The following ZMAT4 variants were observed in gnomAD, a reference collection of about 807,000 sequenced individuals.
ZMAT4 encodes the protein zinc finger matrin-type protein 4.
Under a neutral mutation model 28.7 loss-of-function variants are expected in ZMAT4, and 17 were observed. The observed-to-expected ratio is 0.59, with a 90% confidence interval of 0.41 to 0.89. ZMAT4 has a LOEUF of 0.89. ZMAT4 is among the 40% of genes least tolerant of loss of function. The probability of loss-of-function intolerance (pLI) is 0.00; values close to 1 mark genes in which losing one functional copy is unlikely to be tolerated. For synonymous variants in ZMAT4, 117 were observed against 109.2 expected (o/e 1.07, Z -0.44); for missense variants, 240 against 283.8 (o/e 0.85, Z 1.11).
chr8:40,766,239 T>C (rs6992762), intron 3 of ZMAT4, among the ~76,000 whole-genome samples: 24,181 of 152,194 alleles, frequency 0.16, 3,060 homozygotes, highest in East Asian at 0.6. Context: ...TATGCTGTGA[T>C]ATTATAGCTA....
intron 5 of ZMAT4, among the ~76,000 whole-genome samples, chr8:40,601,646 A>AGCAGGC (rs1805374771): frequency 2.4e-5 from 1 of 41,720 alleles, no homozygotes; most frequent in Non-Finnish European, 5.1e-5. Context: ...GAAAGAAAGA[A>AGCAGGC]AGAAAGAAAG....
At chr8:40,582,782 T>G (rs555219950) in intron 5 of ZMAT4, among the ~76,000 whole-genome samples, 1 of 152,326 alleles carries the variant, frequency 6.6e-6, no homozygotes, top group Non-Finnish European at 1.5e-5. Flanking sequence ...GGCATGTATG[T>G]GAGAGTGCCC....
At chr8:40,643,390 C>A (rs893665404) in intron 5 of ZMAT4, among the ~76,000 whole-genome samples, 4 of 152,134 alleles carry the variant, frequency 2.6e-5, no homozygotes, top group African/African-American at 4.8e-5. Flanking sequence ...ACTTGGAAAA[C>A]CATATTTCTT....
Position 40,821,146 on chromosome 8 carries a change from C to T in ZMAT4, c.102+4429G>A, listed in dbSNP as rs892176565. ...ACATATATCATCTTTCTGCCCTGTA[C>T]TTTTTTCTTTTTCCTACGTTGCAGA... On this transcript the variant is annotated intron_variant, in intron 2 of 6. Transcript: ENST00000297737. 2.6e-5 allele frequency among the ~76,000 whole-genome samples: 4 copies of T among 151,916 alleles called. No homozygotes were observed. The East Asian group carries it at 7.7e-4, about 29-fold the overall frequency.
intron 5 of ZMAT4, among the ~76,000 whole-genome samples, chr8:40,650,237 A>G (rs970741677): frequency 6.6e-6 from 1 of 152,114 alleles, no homozygotes; most frequent in African/African-American, 2.4e-5. Flanking sequence ...AAAATGATAA[A>G]GGGGATATCA....
At chr8:40,718,756 C>T (rs545971683) in intron 3 of ZMAT4, among the ~76,000 whole-genome samples, 47 of 152,268 alleles carry the variant, frequency 3.1e-4, no homozygotes, top group African/African-American at 1.0e-3. Flanking sequence ...AATGTGCAAA[C>T]AGCCCATCTA....
chr8:40,598,883 G>C (rs1279874735), intron 5 of ZMAT4, among the ~76,000 whole-genome samples: 7 of 152,164 alleles, frequency 4.6e-5, no homozygotes, highest in Admixed American at 1.3e-4. Flanking sequence ...TTCCTGATCA[G>C]CCAGTACGAA....
chr8:40,864,766 T>A (rs1817620283), intron 1 of ZMAT4, among the ~76,000 whole-genome samples: 1 of 152,200 alleles, frequency 6.6e-6, no homozygotes, highest in African/African-American at 2.4e-5. Context: ...GCCTCTAGCA[T>A]GTGAGGAGAT....
intron 3 of ZMAT4, among the ~76,000 whole-genome samples, chr8:40,749,881 C>A (rs954806198): frequency 6.6e-6 from 1 of 152,180 alleles, no homozygotes; most frequent in Non-Finnish European, 1.5e-5. Flanking sequence ...GCAAAATGCA[C>A]ACAGCAATGC....
chr8:40,753,290 A>T (rs926341354), intron 3 of ZMAT4, among the ~76,000 whole-genome samples: 1 of 152,016 alleles, frequency 6.6e-6, no homozygotes, highest in Non-Finnish European at 1.5e-5. Context: ...CTCAGACCTT[A>T]GGGCCTTTGC....
At chr8:40,600,216 T>G (rs1805253137) in intron 5 of ZMAT4, among the ~76,000 whole-genome samples, 1 of 152,204 alleles carries the variant, frequency 6.6e-6, no homozygotes, top group Non-Finnish European at 1.5e-5. Flanking sequence ...TGTTTGTTTG[T>G]TTGTTTTTGC....
chr8:40,668,197 C>T (rs1037185041), intron 5 of ZMAT4, among the ~76,000 whole-genome samples: 3 of 152,022 alleles, frequency 2.0e-5, no homozygotes, highest in Non-Finnish European at 2.9e-5. Context: ...AGTGGCTGGG[C>T]GCAGTGGCTC....
At chr8:40,701,781 G>C (rs1177646892) in intron 3 of ZMAT4, among the ~76,000 whole-genome samples, 1 of 152,026 alleles carries the variant, frequency 6.6e-6, no homozygotes, top group East Asian at 1.9e-4. Context: ...GCCTCCCAAA[G>C]TGCTGGGATT....
chr8:40,727,510 T>C (rs1199812595), intron 3 of ZMAT4, among the ~76,000 whole-genome samples: 2 of 152,176 alleles, frequency 1.3e-5, no homozygotes, highest in Non-Finnish European at 1.5e-5. Context: ...GTGAAGCTTA[T>C]AGATTAGCTG....
At chr8:40,849,079 C>A (rs1279839441) in intron 1 of ZMAT4, among the ~76,000 whole-genome samples, 2 of 152,234 alleles carry the variant, frequency 1.3e-5, no homozygotes, top group East Asian at 3.9e-4. Flanking sequence ...GCCATCCCAT[C>A]CCATGCTGGC....
intron 2 of ZMAT4, among the ~76,000 whole-genome samples, chr8:40,806,917 G>A (rs1382953273): frequency 6.6e-6 from 1 of 151,856 alleles, no homozygotes; most frequent in East Asian, 1.9e-4. Flanking sequence ...TTATCACCAG[G>A]CTCCAAACTT....
At chr8:40,650,153 G>C (rs1807565869) in intron 5 of ZMAT4, among the ~76,000 whole-genome samples, 1 of 152,048 alleles carries the variant, frequency 6.6e-6, no homozygotes, top group Admixed American at 6.6e-5. Flanking sequence ...TTTTTGAAGG[G>C]ATCAACTAAA....
chr8:40,626,006 A>G (rs1471422275), intron 5 of ZMAT4, among the ~76,000 whole-genome samples: 1 of 150,930 alleles, frequency 6.6e-6, no homozygotes, highest in Non-Finnish European at 1.5e-5. Flanking sequence ...GCTACTCGGG[A>G]GGCTGAGGCA....
rs555545586 is a variant in ZMAT4, at chr8:40,572,802, A to G, written c.674+8363T>C. On this transcript the variant is annotated intron_variant, in intron 6 of 6. Coordinates refer to ENST00000297737, the MANE Select transcript of ZMAT4 (RefSeq NM_024645.3). ...AACAATGGAGAGAAATTTGACTGCC[A>G]TTATGCTGTTTACAGCTTTTGCCCC... Among the ~76,000 whole-genome samples the G allele has an allele frequency of 5.3e-5, 8 of 152,320 alleles. No individual in the cohort carries two copies. In the South Asian group the frequency reaches 1.7e-3, roughly 32 times the overall value.
Sources: gnomAD v4.1 joint callset for allele counts (sites outside exome capture counted in the v4.1 genomes callset) on GRCh38, gnomAD v4.1.1 for gene constraint, MANE v1.5 for transcripts, NCBI Gene and HGNC (gene_info 2026-07-23, HGNC 2026-07-21) for gene names.